The following FBXO11 variants were observed in gnomAD, a reference collection of about 807,000 sequenced individuals.
FBXO11 encodes the protein F-box protein 11, also known as F-box only protein 11.
Under a neutral mutation model 117.0 loss-of-function variants are expected in FBXO11, and 13 were observed. That is an observed-to-expected ratio of 0.11 (90% confidence interval 0.07 to 0.18). The LOEUF (loss-of-function observed/expected upper bound fraction) is 0.18. Ranked by LOEUF, FBXO11 falls within the 10% of genes least tolerant of loss-of-function variation. The probability of loss-of-function intolerance (pLI) is 1.00; values close to 1 mark genes in which losing one functional copy is unlikely to be tolerated. For synonymous variants in FBXO11, 490 were observed against 380.5 expected (o/e 1.29, Z -3.35); for missense variants, 767 against 1,164.4 (o/e 0.66, Z 4.97).
At chr2:47,851,860 T>G (rs1673887497) in intron 1 of FBXO11, among the ~76,000 whole-genome samples, 2 of 152,226 alleles carry the variant, frequency 1.3e-5, no homozygotes, top group Admixed American at 1.3e-4. Flanking sequence ...TTATAAGCAT[T>G]AAATCCTTAA....
chr2:47,823,484 G>A lies in FBXO11; in HGVS notation c.1399-124C>T, dbSNP rs1558414465. 5.1e-5 allele frequency: 39 copies of A among 762,320 alleles called. No individual in the cohort carries two copies. The South Asian group carries it at 7.7e-4, about 15-fold the overall frequency. 47.2% of individuals were successfully genotyped at this position (762,320 alleles called of 1,614,324 possible). ...TTAGAAACATTTAAGGCTGGGCGTG[G>A]TGACTCACGCCTGTTAATCCCAGCA... is the stretch of plus-strand genomic sequence containing the variant. On this transcript the variant is annotated intron_variant, in intron 11 of 22. Coordinates refer to ENST00000403359, the MANE Select transcript of FBXO11 (RefSeq NM_001190274.2).
chr2:47,838,224 C>T (rs544794991), intron 4 of FBXO11, among the ~76,000 whole-genome samples: 1 of 152,108 alleles, frequency 6.6e-6, no homozygotes, highest in South Asian at 2.1e-4. Flanking sequence ...CAGAGCAAGA[C>T]CCTGTCTCTC....
chr2:47,828,051 G>A (rs1186666103), intron 11 of FBXO11, among the ~76,000 whole-genome samples: 2 of 151,058 alleles, frequency 1.3e-5, no homozygotes, highest in Non-Finnish European at 3.0e-5. Context: ...GCTATCACAG[G>A]TCATTACAAC....
chr2:47,894,825 C>G (rs1677535649), intron 1 of FBXO11, among the ~76,000 whole-genome samples: 1 of 152,026 alleles, frequency 6.6e-6, no homozygotes, highest in Non-Finnish European at 1.5e-5. Context: ...ATTTTAATAA[C>G]AACTGTGGCT....
At chr2:47,858,059 C>T (rs1444062966) in intron 1 of FBXO11, among the ~76,000 whole-genome samples, 3 of 152,044 alleles carry the variant, frequency 2.0e-5, no homozygotes, top group Non-Finnish European at 4.4e-5. Flanking sequence ...TGCCTTGGGT[C>T]ACTATAAAAG....
At chr2:47,845,513 A>G (rs764052156) in intron 1 of FBXO11, among the ~76,000 whole-genome samples, 14 of 152,210 alleles carry the variant, frequency 9.2e-5, no homozygotes, top group Non-Finnish European at 2.1e-4. Flanking sequence ...TTCTGGGAAG[A>G]TAAGTTGGCT....
intron 1 of FBXO11, among the ~76,000 whole-genome samples, chr2:47,898,177 AC>A (rs1464250528): frequency 6.6e-6 from 1 of 152,230 alleles, no homozygotes; most frequent in African/African-American, 2.4e-5. Flanking sequence ...TGTTTAAAAA[AC>A]GTTTTAAATG....
intron 1 of FBXO11, among the ~76,000 whole-genome samples, chr2:47,844,627 T>C (rs1259311458): frequency 2.0e-5 from 3 of 152,158 alleles, no homozygotes; most frequent in Non-Finnish European, 4.4e-5. Flanking sequence ...TATATGTTTA[T>C]AGTTTTGTTC....
rs756965117 is a variant in FBXO11 at position 47,808,072 on chromosome 2, A to AAGTT, written c.*42_*45dup. The stretch of plus-strand genomic sequence containing the variant: ...AAATCTTCTTCCAAAAAAGTGTTTT[A>AAGTT]AGTTATGATGTTACAATGGCAGGAC... On this transcript the variant is annotated 3_prime_UTR_variant, in exon 23 of 23. Coordinates refer to ENST00000403359, the MANE Select transcript of FBXO11 (RefSeq NM_001190274.2). 1.3e-6 allele frequency: 2 copies of AAGTT among 1,520,656 alleles called. No individual in the cohort carries two copies. Among genetic ancestry groups the AAGTT allele is most frequent in the East Asian group, 4.5e-5 (2 of 44,350 alleles). 94.2% of individuals were successfully genotyped at this position (1,520,656 alleles called of 1,614,324 possible).
intron 1 of FBXO11, among the ~76,000 whole-genome samples, chr2:47,871,917 ATGTCATATATATTT>A (rs1206383043): frequency 6.6e-6 from 1 of 152,184 alleles, no homozygotes; most frequent in Admixed American, 6.5e-5. Flanking sequence ...TACGTTCCAC[ATGTCATATATATTT>A]TGATGTTTTT....
chr2:47,819,861 T>C lies in FBXO11; in HGVS notation c.1797+501A>G, dbSNP rs140494138. ...CCTTGCATAAGGACCTTTTTGAAAT[T>C]TCCTACATTTTCTTACTTGAATCAG... On this transcript the variant is annotated intron_variant, in intron 14 of 22. Transcript: ENST00000403359. Among the ~76,000 whole-genome samples, 885 of 152,324 alleles carry C rather than the reference T, an allele frequency of 5.8e-3. 4 individuals are homozygous for C. Among genetic ancestry groups the C allele is most frequent in the Middle Eastern group, 0.027 (8 of 294 alleles).
At chr2:47,864,314 G>A (rs375277709) in intron 1 of FBXO11, among the ~76,000 whole-genome samples, 11 of 152,160 alleles carry the variant, frequency 7.2e-5, no homozygotes, top group African/African-American at 1.9e-4. Context: ...TTGGCTGGGC[G>A]TGGTGGCTCA....
intron 1 of FBXO11, among the ~76,000 whole-genome samples, chr2:47,843,726 T>TTGC (rs141435870): frequency 6.8e-6 from 1 of 147,934 alleles, no homozygotes; most frequent in African/African-American, 2.6e-5. Context: ...CATTTTAGAT[T>TTGC]TGCTGCTGCT....
intron 1 of FBXO11, among the ~76,000 whole-genome samples, chr2:47,859,041 C>CAAAAAAAAAAA (rs11337552): frequency 9.7e-6 from 1 of 103,176 alleles, no homozygotes. Context: ...ACTCTGTCTC[C>CAAAAAAAAAAA]AAAAAAAAAA....
intron 1 of FBXO11, among the ~76,000 whole-genome samples, chr2:47,900,665 T>TACGTATATACACACGTATACACAC (rs1558486816): frequency 4.5e-5 from 3 of 66,940 alleles, no homozygotes; most frequent in African/African-American, 1.4e-4. Flanking sequence ...TACACACACG[T>TACGTATATACACACGTATACACAC]ACGTATATAC....
chr2:47,811,192 G>A (rs6713506), intron 18 of FBXO11: 23,078 of 152,080 alleles, frequency 0.15, 1,892 homozygotes, highest in Middle Eastern at 0.21. Context: ...TACTCTTTGG[G>A]TGATCTTACA....
chr2:47,856,263 C>T (rs1162269104), intron 1 of FBXO11, among the ~76,000 whole-genome samples: 1 of 152,128 alleles, frequency 6.6e-6, no homozygotes, highest in African/African-American at 2.4e-5. Flanking sequence ...GATTTCCAGA[C>T]ACACAGAGAC....
intron 1 of FBXO11, among the ~76,000 whole-genome samples, chr2:47,880,907 T>G (rs866762877): frequency 7.2e-5 from 11 of 152,172 alleles, no homozygotes; most frequent in South Asian, 6.2e-4. Flanking sequence ...GAATCTAAGC[T>G]AAAAATATTT....
intron 1 of FBXO11, among the ~76,000 whole-genome samples, chr2:47,843,933 G>A (rs1185345377): frequency 6.6e-6 from 1 of 152,010 alleles, no homozygotes; most frequent in South Asian, 2.1e-4. Flanking sequence ...TAGAGACGGG[G>A]TTTCACTATG....
Sources: allele counts gnomAD v4.1 joint callset (sites outside exome capture counted in the v4.1 genomes callset), GRCh38; gene constraint gnomAD v4.1.1; transcripts MANE v1.5; gene names NCBI Gene and HGNC (gene_info 2026-07-23, HGNC 2026-07-21).